BBS9: variants seen among roughly 807,000 people sequenced by gnomAD.
BBS9 encodes protein PTHB1.
In BBS9, 89 loss-of-function variants were observed where a neutral mutation model predicts 117.7. The observed-to-expected ratio is 0.76, with a 90% confidence interval of 0.64 to 0.90. The LOEUF (loss-of-function observed/expected upper bound fraction) is 0.90, where lower values mean the gene tolerates loss of function less well. Ranked by LOEUF, BBS9 falls within the 40% of genes least tolerant of loss-of-function variation. The pLI is 0.00. For synonymous variants in BBS9, 379 were observed against 370.9 expected, an observed-to-expected ratio of 1.02 and a Z score of -0.25; for missense variants, 982 against 1,042.2, an observed-to-expected ratio of 0.94 and a Z score of 0.80.
At chr7:33,146,747 G>A (rs1792457102) in intron 2 of BBS9, among the ~76,000 whole-genome samples, 1 of 149,448 alleles carries the variant, frequency 6.7e-6, no homozygotes, top group African/African-American at 2.5e-5. Flanking sequence ...TTTTGAAAAT[G>A]TGTACTTTTT....
At chr7:33,577,311 T>A (rs1310971629) in intron 21 of BBS9, among the ~76,000 whole-genome samples, 1 of 152,224 alleles carries the variant, frequency 6.6e-6, no homozygotes, top group Non-Finnish European at 1.5e-5. Flanking sequence ...ATGCTCATCA[T>A]CACTGGTCAT....
At chr7:33,207,744 A>G (rs1310799783) in intron 5 of BBS9, among the ~76,000 whole-genome samples, 2 of 152,198 alleles carry the variant, frequency 1.3e-5, no homozygotes, top group African/African-American at 4.8e-5. Context: ...ACATATATAC[A>G]TATCTGTACA....
chr7:33,620,911 A>G (rs775581937), intron 21 of BBS9, among the ~76,000 whole-genome samples: 14 of 152,226 alleles, frequency 9.2e-5, no homozygotes, highest in Admixed American at 2.0e-4. Context: ...ATGGAACATA[A>G]CAGAGTCCAG....
At chr7:33,378,781 G>GT (rs1358621857) in intron 17 of BBS9, among the ~76,000 whole-genome samples, 2 of 152,192 alleles carry the variant, frequency 1.3e-5, no homozygotes, top group Non-Finnish European at 2.9e-5. Flanking sequence ...CATGCCCAGT[G>GT]TAAGCTATGA....
At chr7:33,286,162 C>T (rs1181089512) in intron 9 of BBS9, among the ~76,000 whole-genome samples, 1 of 151,944 alleles carries the variant, frequency 6.6e-6, no homozygotes, top group Admixed American at 6.6e-5. Context: ...CACATGTTTC[C>T]ACTGAAAAAC....
chr7:33,331,544 C>T (rs1414031829), intron 9 of BBS9, among the ~76,000 whole-genome samples: 2 of 151,462 alleles, frequency 1.3e-5, no homozygotes, highest in Non-Finnish European at 2.9e-5. Flanking sequence ...GCTCTTAGAT[C>T]AAATTCAGTA....
rs753552530 is a variant in BBS9 at position 33,177,459 on chromosome 7, C to CTT, written c.329-8_329-7dup. On this transcript the variant is annotated intron_variant, in intron 4 of 22. Transcript: ENST00000242067. ...TAGTGTACACAAATACAAAGTAATC[C>CTT]TTTTTTTTTTTTCCTTAGGAACCTT... is the stretch of plus-strand genomic sequence containing the variant. The CTT allele has an allele frequency of 3.2e-4, 373 of 1,168,058 alleles. No homozygotes were observed. Among genetic ancestry groups the CTT allele is most frequent in the Non-Finnish European group, 3.8e-4 (314 of 827,126 alleles). 72.4% of individuals were successfully genotyped at this position (1,168,058 alleles called of 1,614,324 possible). A position where few individuals can be genotyped will look rare whatever the true frequency, so the allele number is the denominator to read the frequency against.
chr7:33,405,311 T>A lies in BBS9; in HGVS notation c.2115+17167T>A, dbSNP rs1460807548. ...GATATTGGTCTAAAATTCTCTTTTT[T>A]GGTTGTGTCTCTGCCCGGCTTTGGT... On this transcript the variant is annotated intron_variant, in intron 19 of 22. Coordinates refer to ENST00000242067, the MANE Select transcript of BBS9 (RefSeq NM_198428.3). Among the ~76,000 whole-genome samples, 2 of 152,156 alleles carry A rather than the reference T, an allele frequency of 1.3e-5. 1 individual carries two copies. The highest frequency in any genetic ancestry group is 2.9e-5 in the Non-Finnish European group (2 of 68,022).
At chr7:33,256,464 ACT>A (rs1797095522) in intron 5 of BBS9, among the ~76,000 whole-genome samples, 1 of 149,958 alleles carries the variant, frequency 6.7e-6, no homozygotes, top group Admixed American at 6.6e-5. Context: ...GCACTCCAAA[ACT>A]CAGTTTGTTC....
intron 21 of BBS9, among the ~76,000 whole-genome samples, chr7:33,634,578 G>A (rs2129232220): frequency 6.6e-6 from 1 of 152,264 alleles, no homozygotes; most frequent in South Asian, 2.1e-4. Context: ...TACCCTCAGT[G>A]CTATCTTACC....
chr7:33,131,706 T>G (rs150195765), intron 1 of BBS9, among the ~76,000 whole-genome samples: 214 of 152,282 alleles, frequency 1.4e-3, no homozygotes, highest in African/African-American at 5.0e-3. Context: ...ATTGTAGGAC[T>G]AGGTCAATGA....
intron 20 of BBS9, among the ~76,000 whole-genome samples, chr7:33,528,416 C>T (rs1850010545): frequency 6.6e-6 from 1 of 151,840 alleles, no homozygotes; most frequent in Non-Finnish European, 1.5e-5. Flanking sequence ...GTTACTGTGG[C>T]ATTTTGTGGT....
intron 20 of BBS9, among the ~76,000 whole-genome samples, chr7:33,514,752 T>A (rs1484422308): frequency 6.6e-6 from 1 of 152,124 alleles, no homozygotes; most frequent in African/African-American, 2.4e-5. Context: ...AAACCACACA[T>A]TGAGTTTCCC....
At chr7:33,135,562 A>C (rs1217865282) in intron 1 of BBS9, among the ~76,000 whole-genome samples, 1 of 152,218 alleles carries the variant, frequency 6.6e-6, no homozygotes, top group Admixed American at 6.5e-5. Flanking sequence ...CTAGTGCCAT[A>C]CTGGCTTAAT....
intron 20 of BBS9, among the ~76,000 whole-genome samples, chr7:33,513,846 G>T (rs949292687): frequency 3.9e-5 from 6 of 152,156 alleles, no homozygotes; most frequent in Non-Finnish European, 8.8e-5. Context: ...AGCCAAATTT[G>T]TTAATATATA....
At chr7:33,365,169 A>C (rs1372829262) in intron 16 of BBS9, among the ~76,000 whole-genome samples, 2 of 149,980 alleles carry the variant, frequency 1.3e-5, no homozygotes, top group African/African-American at 4.9e-5. Context: ...GTAGATGTCC[A>C]TTTCTTTGGG....
At chr7:33,165,946 C>G (rs533265881) in intron 4 of BBS9, among the ~76,000 whole-genome samples, 15 of 152,252 alleles carry the variant, frequency 9.9e-5, no homozygotes, top group Middle Eastern at 6.8e-3. Flanking sequence ...AGCTTTTCTG[C>G]TCTGGTTTCT....
intron 1 of BBS9, among the ~76,000 whole-genome samples, chr7:33,142,055 C>T (rs755711582): frequency 4.6e-5 from 7 of 152,050 alleles, no homozygotes; most frequent in Non-Finnish European, 1.0e-4. Flanking sequence ...CCTGCCTCAG[C>T]TTCCCGAGTA....
At position 33,273,045 on chromosome 7, in the gene BBS9, C is replaced by CT. The variant is rs746182150; in HGVS notation, c.738dup (p.Asp247Ter). 6.2e-7 allele frequency: 1 copy of CT among 1,613,556 alleles called. No homozygotes were observed. Among genetic ancestry groups the CT allele is most frequent in the Admixed American group, 1.7e-5 (1 of 59,976 alleles). ...GACTCTAAATATTGGAGAGCAAGCC[C>CT]TTGACATATGTATTGTCTCTTTCAA... On this transcript the variant is annotated frameshift_variant, in exon 8 of 23. Coordinates refer to ENST00000242067, the MANE Select transcript of BBS9 (RefSeq NM_198428.3). LOFTEE classifies it high-confidence loss of function.
Sources: gnomAD v4.1 joint callset for allele counts (sites outside exome capture counted in the v4.1 genomes callset) on GRCh38, gnomAD v4.1.1 for gene constraint, MANE v1.5 for transcripts, NCBI Gene and HGNC (gene_info 2026-07-23, HGNC 2026-07-21) for gene names.